Variants in NAV2 observed in about 807,000 individuals in gnomAD.
NAV2 encodes the protein neuron navigator 2.
Under a neutral mutation model 223.2 loss-of-function variants are expected in NAV2, and 54 were observed. The ratio of observed to expected loss-of-function variants is 0.24; its 90% CI spans 0.19 to 0.30. The LOEUF (loss-of-function observed/expected upper bound fraction) is 0.30. Among genes scored for constraint, NAV2 ranks in the 10% least tolerant of loss-of-function variants. The probability of loss-of-function intolerance (pLI) is 1.00; values close to 1 mark genes in which losing one functional copy is unlikely to be tolerated. For synonymous variants in NAV2, 1,279 were observed against 1,239.3 expected (o/e 1.03, Z -0.67); for missense variants, 2,806 against 3,147.5 (o/e 0.89, Z 2.60).
At chr11:19,859,616 C>T (rs959508246) in intron 3 of NAV2, among the ~76,000 whole-genome samples, 1 of 152,110 alleles carries the variant, frequency 6.6e-6, no homozygotes, top group Admixed American at 6.5e-5. Flanking sequence ...TCCACAAAAC[C>T]GCCATCGTCA....
At chr11:19,973,665 T>C (rs2049449879) in intron 10 of NAV2, among the ~76,000 whole-genome samples, 1 of 152,120 alleles carries the variant, frequency 6.6e-6, no homozygotes, top group South Asian at 2.1e-4. Flanking sequence ...GCGGAATTGG[T>C]TTATAGCAAA....
intron 1 of NAV2, among the ~76,000 whole-genome samples, chr11:19,782,905 C>T (rs2056847100): frequency 6.6e-6 from 1 of 152,048 alleles, no homozygotes; most frequent in Non-Finnish European, 1.5e-5. Context: ...GAGATGTAGT[C>T]GAGGATTGCC....
At chr11:19,880,469 G>A (rs1191584833) in intron 5 of NAV2, among the ~76,000 whole-genome samples, 1 of 152,230 alleles carries the variant, frequency 6.6e-6, no homozygotes, top group Non-Finnish European at 1.5e-5. Flanking sequence ...CAAGCTGAAT[G>A]TTCACTGTTA....
rs1590452061 is a variant in NAV2 at position 19,778,042 on chromosome 11, A to G, written c.268-54442A>G. The G allele has an allele frequency of 8.9e-6, 4 of 451,520 alleles. No individual in the cohort carries two copies. The East Asian group carries it at 2.8e-4, about 32-fold the overall frequency. 28.0% of individuals were successfully genotyped at this position (451,520 alleles called of 1,614,324 possible). A position where few individuals can be genotyped will look rare whatever the true frequency, so the allele number is the denominator to read the frequency against. ...CTCACAATGGCTTAGTTCTCTTTCAAGCTTGCAAAGAACCATCCAGGGTGC... is the reference window on the plus strand; with the variant it reads ...CTCACAATGGCTTAGTTCTCTTTCAGGCTTGCAAAGAACCATCCAGGGTGC... On this transcript the variant is annotated intron_variant, in intron 1 of 37. Transcript: ENST00000349880.
Position 19,523,588 on chromosome 11 carries a change from C to G in NAV2, c.75+172561C>G, listed in dbSNP as rs370113356. Among the ~76,000 whole-genome samples the G allele has an allele frequency of 2.4e-3, 358 of 152,340 alleles. 1 individual carries two copies. Among genetic ancestry groups the G allele is most frequent in the African/African-American group, 8.2e-3 (339 of 41,580 alleles). On this transcript the variant is annotated intron_variant, in intron 1 of 37. Coordinates refer to the NAV2 transcript ENST00000360655. ...CGAGGCCTTCTCTGACTAACTCAGT[C>G]TGGTGACATTTCTTCTTCTTCCGAG...
At chr11:19,494,020 G>A (rs961936902) in intron 1 of NAV2, among the ~76,000 whole-genome samples, 5 of 152,182 alleles carry the variant, frequency 3.3e-5, no homozygotes, top group Non-Finnish European at 7.3e-5. Context: ...ACTGACACTG[G>A]CCTGATCCCT....
intron 1 of NAV2, among the ~76,000 whole-genome samples, chr11:19,558,175 C>T (rs976344278): frequency 6.6e-6 from 1 of 152,202 alleles, no homozygotes; most frequent in African/African-American, 2.4e-5. Context: ...AATGAATACA[C>T]ATTAGGCACT....
At chr11:19,554,620 G>T (rs61633363) in intron 1 of NAV2, among the ~76,000 whole-genome samples, 1 of 152,126 alleles carries the variant, frequency 6.6e-6, no homozygotes, top group Non-Finnish European at 1.5e-5. Context: ...TCTGTTTCTC[G>T]TCTATAAAAT....
intron 1 of NAV2, among the ~76,000 whole-genome samples, chr11:19,830,106 T>A (rs2059849685): frequency 6.6e-6 from 1 of 152,026 alleles, no homozygotes; most frequent in Non-Finnish European, 1.5e-5. Context: ...GCACCTGTAA[T>A]CCCAGCTACT....
chr11:19,368,729 A>G (rs1165174710), intron 1 of NAV2, among the ~76,000 whole-genome samples: 1 of 152,206 alleles, frequency 6.6e-6, no homozygotes, highest in African/African-American at 2.4e-5. Flanking sequence ...TCACACAGCA[A>G]ATAAGTGATA....
chr11:19,669,281 T>C (rs10833152), intron 1 of NAV2, among the ~76,000 whole-genome samples: 110,348 of 152,212 alleles, frequency 0.72, 45,999 homozygotes, highest in East Asian at 0.93. Flanking sequence ...TGTTCTCATC[T>C]ACTCCATTTC....
chr11:19,528,885 A>G (rs1431068515), intron 1 of NAV2, among the ~76,000 whole-genome samples: 2 of 146,082 alleles, frequency 1.4e-5, no homozygotes, highest in African/African-American at 2.5e-5. Flanking sequence ...AGCTGAGATC[A>G]TGCCACTGCA....
intron 1 of NAV2, among the ~76,000 whole-genome samples, chr11:19,831,361 A>G (rs1370374041): frequency 6.6e-6 from 1 of 151,736 alleles, no homozygotes; most frequent in Non-Finnish European, 1.5e-5. Flanking sequence ...GGATCCTCGG[A>G]GCAGGCCTAC....
At position 19,734,708 on chromosome 11, in the gene NAV2, A is replaced by C. The variant is rs569900063; in HGVS notation, c.267+20746A>C. ...GGAAAAGTTCATGCATCCCTCCCCTAACTCCCAACAGACATACAATGGAAA... is the reference window on the plus strand; with the variant it reads ...GGAAAAGTTCATGCATCCCTCCCCTCACTCCCAACAGACATACAATGGAAA... On this transcript the variant is annotated intron_variant, in intron 1 of 37. Transcript: ENST00000349880. Among the ~76,000 whole-genome samples the C allele has an allele frequency of 2.0e-5, 3 of 152,304 alleles. No homozygotes were observed. The South Asian group carries it at 6.2e-4, about 32-fold the overall frequency.
intron 1 of NAV2, among the ~76,000 whole-genome samples, chr11:19,612,017 C>A (rs1323805733): frequency 6.6e-6 from 1 of 152,240 alleles, no homozygotes; most frequent in Non-Finnish European, 1.5e-5. Flanking sequence ...GAAATCTAGA[C>A]GGATGTTCCC....
chr11:20,061,201 C>A (rs965081958), intron 19 of NAV2, among the ~76,000 whole-genome samples: 1 of 152,136 alleles, frequency 6.6e-6, no homozygotes, highest in African/African-American at 2.4e-5. Context: ...AAATAAAGAA[C>A]CTTCTTCCCA....
At chr11:19,508,490 C>A (rs1311103573) in intron 1 of NAV2, among the ~76,000 whole-genome samples, 1 of 152,186 alleles carries the variant, frequency 6.6e-6, no homozygotes, top group Non-Finnish European at 1.5e-5. Context: ...TGTTTCTACT[C>A]CTTCCTCCTG....
intron 6 of NAV2, among the ~76,000 whole-genome samples, chr11:19,893,203 T>A (rs866761550): frequency 6.6e-6 from 1 of 151,954 alleles, no homozygotes; most frequent in Non-Finnish European, 1.5e-5. Context: ...AAATAGTGAA[T>A]AGTCCCATGG....
intron 11 of NAV2, chr11:20,022,939 C>A: frequency 7.5e-7 from 1 of 1,330,092 alleles, no homozygotes. Context: ...CTTTCCTGGC[C>A]TGGGGAATGG....
Sources: allele counts gnomAD v4.1 joint callset (sites outside exome capture counted in the v4.1 genomes callset), GRCh38; gene constraint gnomAD v4.1.1; transcripts MANE v1.5; gene names NCBI Gene and HGNC (gene_info 2026-07-23, HGNC 2026-07-21).